Variants in SPEF2 observed in about 807,000 individuals in gnomAD.
SPEF2 encodes sperm flagellar and cilia associated 2, also known as sperm flagella and cilia-associated protein 2.
Under a neutral mutation model 224.6 loss-of-function variants are expected in SPEF2, and 187 were observed. The observed-to-expected ratio is 0.83, with a 90% CI of 0.74 to 0.94. The LOEUF (loss-of-function observed/expected upper bound fraction) is 0.94. SPEF2 is among the 40% of genes least tolerant of loss of function. The probability of loss-of-function intolerance (pLI) is 0.00; values close to 1 mark genes in which losing one functional copy is unlikely to be tolerated. For synonymous variants in SPEF2, 715 were observed against 707.3 expected, an observed-to-expected ratio of 1.01 and a Z score of -0.17; for missense variants, 2,170 against 2,135.6, an observed-to-expected ratio of 1.02 and a Z score of -0.32.
chr5:35,802,524 GA>G (rs913906125), intron 34 of SPEF2, among the ~76,000 whole-genome samples: 30 of 148,220 alleles, frequency 2.0e-4, no homozygotes, highest in East Asian at 3.9e-4. Flanking sequence ...AAATTCTATG[GA>G]AAAAAAAAAG....
intron 10 of SPEF2, chr5:35,670,908 CTT>C: frequency 1.0e-6 from 1 of 985,348 alleles, no homozygotes; most frequent in Non-Finnish European, 1.2e-6. Context: ...GAGTTAAACA[CTT>C]AGCTGAGTGC....
chr5:35,725,595 T>A (rs1287437455), intron 20 of SPEF2, among the ~76,000 whole-genome samples: 1 of 152,190 alleles, frequency 6.6e-6, no homozygotes, highest in Non-Finnish European at 1.5e-5. Flanking sequence ...TATCTTAGAA[T>A]TAACTGTTTA....
At chr5:35,717,225 G>A (rs1253768321) in intron 20 of SPEF2, among the ~76,000 whole-genome samples, 1 of 152,090 alleles carries the variant, frequency 6.6e-6, no homozygotes, top group East Asian at 1.9e-4. Context: ...GCATTTCAAA[G>A]GGAGCAGGAG....
rs959584850 is a variant in SPEF2, at chr5:35,792,459, G to A, written c.4554+13G>A. ...TACCCAACCTGAAGTAAGCTTCTAT[G>A]TTGTTTGAGTTGTAAAGCTTTAAGC... On this transcript the variant is annotated intron_variant, in intron 31 of 36. Transcript: ENST00000356031. The A allele has an allele frequency of 1.2e-6, 2 of 1,603,720 alleles. No individual in the cohort carries two copies. Among genetic ancestry groups the A allele is most frequent in the South Asian group, 1.1e-5 (1 of 90,502 alleles).
intron 10 of SPEF2, among the ~76,000 whole-genome samples, chr5:35,675,417 T>G (rs1432093621): frequency 6.6e-6 from 1 of 152,214 alleles, no homozygotes; most frequent in Non-Finnish European, 1.5e-5. Flanking sequence ...ACGTGCAATT[T>G]CTTTTCTCAT....
intron 30 of SPEF2, among the ~76,000 whole-genome samples, chr5:35,783,310 A>G (rs1754603011): frequency 1.3e-5 from 2 of 152,240 alleles, no homozygotes; most frequent in Admixed American, 6.5e-5. Flanking sequence ...AAAGACTGTC[A>G]TATGATCTTG....
chr5:35,703,073 C>T (rs1024641259), intron 16 of SPEF2, among the ~76,000 whole-genome samples: 1 of 151,010 alleles, frequency 6.6e-6, no homozygotes, highest in African/African-American at 2.4e-5. Context: ...AAAAAAGAGC[C>T]ATGGTCACAG....
intron 5 of SPEF2, among the ~76,000 whole-genome samples, chr5:35,647,389 G>A (rs1747537983): frequency 6.6e-6 from 1 of 151,974 alleles, no homozygotes; most frequent in Non-Finnish European, 1.5e-5. Context: ...CAGCTCTCAT[G>A]GGAATTGATA....
intron 30 of SPEF2, chr5:35,788,596 C>T (rs1004704009): frequency 8.5e-6 from 6 of 702,784 alleles, no homozygotes; most frequent in Non-Finnish European, 1.6e-5. Flanking sequence ...TAAAAAATGC[C>T]ATTGAGAAAA....
intron 20 of SPEF2, among the ~76,000 whole-genome samples, chr5:35,723,457 C>A (rs540834025): frequency 4.0e-4 from 61 of 152,196 alleles, no homozygotes. Flanking sequence ...TCCTGATGAT[C>A]ACTAACATTT....
intron 26 of SPEF2, among the ~76,000 whole-genome samples, chr5:35,764,056 T>C (rs1751736242): frequency 1.3e-5 from 2 of 152,168 alleles, no homozygotes; most frequent in Non-Finnish European, 2.9e-5. Flanking sequence ...GCACATGCAA[T>C]TGCCATTTAA....
At chr5:35,653,710 G>T (rs1255382897) in intron 6 of SPEF2, among the ~76,000 whole-genome samples, 2 of 152,156 alleles carry the variant, frequency 1.3e-5, no homozygotes, top group Non-Finnish European at 2.9e-5. Context: ...ACTTTGGGAG[G>T]CCGAGGCAGG....
Position 35,808,811 on chromosome 5 carries a change from T to C in SPEF2, c.5379+1558T>C, listed in dbSNP as rs961678736. 8.1e-5 allele frequency among the ~76,000 whole-genome samples: 12 copies of C among 148,116 alleles called. No homozygotes were observed. The South Asian group carries it at 2.5e-3, about 31-fold the overall frequency. On this transcript the variant is annotated intron_variant, in intron 36 of 36. Transcript: ENST00000356031. ...ATATATGTATATATGTAAAACCCAA[T>C]ATATATACATATATGTATGTAACAT...
At chr5:35,662,703 G>T (rs1749913642) in intron 8 of SPEF2, among the ~76,000 whole-genome samples, 1 of 152,110 alleles carries the variant, frequency 6.6e-6, no homozygotes, top group Non-Finnish European at 1.5e-5. Context: ...CCCATTGCTT[G>T]TGTTTGTCAG....
At chr5:35,729,514 G>C (rs943231865) in intron 21 of SPEF2, among the ~76,000 whole-genome samples, 1 of 152,124 alleles carries the variant, frequency 6.6e-6, no homozygotes, top group Non-Finnish European at 1.5e-5. Flanking sequence ...AAGGAAACTG[G>C]TGTGAAGGGA....
chr5:35,674,416 G>A (rs899356757), intron 10 of SPEF2, among the ~76,000 whole-genome samples: 1 of 138,192 alleles, frequency 7.2e-6, no homozygotes, highest in East Asian at 2.2e-4. Flanking sequence ...TAGGGTGCAT[G>A]TGCACAATGT....
chr5:35,754,301 A>G (rs112468067), intron 24 of SPEF2, among the ~76,000 whole-genome samples: 16 of 152,228 alleles, frequency 1.1e-4, no homozygotes, highest in Non-Finnish European at 2.1e-4. Context: ...TGCTGATTTT[A>G]TTCGACACTA....
intron 21 of SPEF2, among the ~76,000 whole-genome samples, chr5:35,739,372 G>T (rs1747189039): frequency 6.6e-6 from 1 of 152,096 alleles, no homozygotes; most frequent in South Asian, 2.1e-4. Flanking sequence ...ATCTGGGTAG[G>T]ATTTCTGGAA....
chr5:35,702,469 G>A lies in SPEF2; in HGVS notation c.2398+1717G>A, dbSNP rs188898454. ...CCATTGGTCAGCCTGAGACAGAACA[G>A]TAATGTTCACATCTGGTGAGAGGTA... On this transcript the variant is annotated intron_variant, in intron 16 of 36. Transcript: ENST00000356031. 10 of 380,824 alleles carry A rather than the reference G, an allele frequency of 2.6e-5. No individual in the cohort carries two copies. In the East Asian group the frequency reaches 7.3e-4, roughly 28 times the overall value. 23.6% of individuals were successfully genotyped at this position (380,824 alleles called of 1,614,324 possible).
Sources: allele counts gnomAD v4.1 joint callset (sites outside exome capture counted in the v4.1 genomes callset), GRCh38; gene constraint gnomAD v4.1.1; transcripts MANE v1.5; gene names NCBI Gene and HGNC (gene_info 2026-07-23, HGNC 2026-07-21).